The following CASTOR2 variants were observed in gnomAD, a reference collection of about 807,000 sequenced individuals.
The protein encoded by CASTOR2 is GATS protein like 2.
A neutral mutation model predicts 31.2 loss-of-function variants in CASTOR2; 8 were observed. The observed-to-expected ratio is 0.26, with a 90% confidence interval of 0.15 to 0.46. The LOEUF is 0.46. Among genes scored for constraint, CASTOR2 ranks in the 20% least tolerant of loss-of-function variants. The probability of loss-of-function intolerance (pLI) is 0.99; values close to 1 mark genes in which losing one functional copy is unlikely to be tolerated. For synonymous variants in CASTOR2, 162 were observed against 158.7 expected (o/e 1.02, Z -0.16); for missense variants, 216 against 382.1 (o/e 0.57, Z 3.62).
intron 2 of CASTOR2, among the ~76,000 whole-genome samples, chr7:75,014,150 T>C (rs1338550866): frequency 6.6e-6 from 1 of 152,078 alleles, no homozygotes; most frequent in Non-Finnish European, 1.5e-5. Context: ...GGCCCAGTGC[T>C]TATCTAGGCT....
Position 75,028,543 on chromosome 7 carries a change from C to T in CASTOR2, c.*3844C>T, listed in dbSNP as rs878857476. ...GCTCAGATAGTCTCAACCCCACCCT[C>T]TCCCCTTGCTGCACTCAGAGTACCA... On this transcript the variant is annotated 3_prime_UTR_variant, in exon 9 of 9. Transcript: ENST00000616305. 6.6e-6 allele frequency among the ~76,000 whole-genome samples: 1 copy of T among 151,978 alleles called. No individual in the cohort carries two copies. Among genetic ancestry groups the T allele is most frequent in the Admixed American group, 6.6e-5 (1 of 15,242 alleles).
intron 1 of CASTOR2, among the ~76,000 whole-genome samples, chr7:74,969,743 T>C (rs1259711244): frequency 6.7e-6 from 1 of 148,154 alleles, no homozygotes. Context: ...GTTAGAGCCT[T>C]AGAGCCTATC....
At position 75,027,465 on chromosome 7, in the gene CASTOR2, G is replaced by A. The variant is rs1805168669; in HGVS notation, c.*2766G>A. 1 of 157,872 alleles carries A rather than the reference G, an allele frequency of 6.3e-6. No homozygotes were observed. The highest frequency in any genetic ancestry group is 1.4e-5 in the Non-Finnish European group (1 of 70,970). 9.8% of individuals were successfully genotyped at this position (157,872 alleles called of 1,614,324 possible). On this transcript the variant is annotated 3_prime_UTR_variant, in exon 9 of 9. Coordinates refer to ENST00000616305, the MANE Select transcript of CASTOR2 (RefSeq NM_001145064.3). ...CTGCTGAATGGGCCACACGCTGCCT[G>A]TGTCCTGCCTCCGTGGGTGGCACTT...
chr7:75,003,348 G>A (rs1234428664), intron 1 of CASTOR2, among the ~76,000 whole-genome samples: 1 of 152,116 alleles, frequency 6.6e-6, no homozygotes, highest in Admixed American at 6.6e-5. Flanking sequence ...CTAGTTGGGA[G>A]GCTGAGCTAG....
chr7:75,005,485 C>G (rs1485615375), intron 1 of CASTOR2, among the ~76,000 whole-genome samples: 26 of 152,146 alleles, frequency 1.7e-4, no homozygotes, highest in Non-Finnish European at 3.5e-4. Context: ...TATCCTCTCT[C>G]CAGTTGAAGG....
In CASTOR2 at chr7:74,977,741, A is replaced by G. The variant is rs1191931892; in HGVS notation, c.113+12643A>G. Among the ~76,000 whole-genome samples the G allele has an allele frequency of 3.3e-4, 50 of 150,276 alleles. 1 individual carries two copies. Among genetic ancestry groups the G allele is most frequent in the Non-Finnish European group, 7.4e-5 (5 of 67,462 alleles). ...ACCCAAGCTGGAGTGCAGTGATGCA[A>G]TCTCAGCTCACTCCAGCCTCGATTT... On this transcript the variant is annotated intron_variant, in intron 1 of 8. Coordinates refer to ENST00000616305, the MANE Select transcript of CASTOR2 (RefSeq NM_001145064.3).
At chr7:75,000,238 T>C (rs1804461820) in intron 1 of CASTOR2, among the ~76,000 whole-genome samples, 1 of 152,040 alleles carries the variant, frequency 6.6e-6, no homozygotes, top group South Asian at 2.1e-4. Flanking sequence ...AAGGAATGAA[T>C]GAATGCATGA....
rs1554440884 is a variant in CASTOR2, at chr7:75,026,189, G to GGTTTTTTTTTTTTTTTTT, written c.*1490_*1491insGTTTTTTTTTTTTTTTTT. Among the ~76,000 whole-genome samples the GGTTTTTTTTTTTTTTTTT allele has an allele frequency of 5.9e-5, 7 of 117,740 alleles. No individual in the cohort carries two copies. Among genetic ancestry groups the GGTTTTTTTTTTTTTTTTT allele is most frequent in the Admixed American group, 2.8e-4 (3 of 10,758 alleles). The allele number at this position is 117,740 out of a possible 152,430, so 77.2% of individuals were successfully genotyped here. On this transcript the variant is annotated 3_prime_UTR_variant, in exon 9 of 9. Transcript: ENST00000616305. ...CCCTGTGGTTTTGGCTCTGGCGGGG[G>GGTTTTTTTTTTTTTTTTT]TTTTTTTTTTTTTTTTTGAGATGGG...
chr7:75,005,632 C>T (rs1210695459), intron 1 of CASTOR2, among the ~76,000 whole-genome samples: 1 of 152,206 alleles, frequency 6.6e-6, no homozygotes, highest in Non-Finnish European at 1.5e-5. Flanking sequence ...GTTCTCACTT[C>T]TCGCGGATGA....
intron 2 of CASTOR2, among the ~76,000 whole-genome samples, chr7:75,011,777 G>T (rs1231525980): frequency 7.0e-6 from 1 of 142,340 alleles, no homozygotes; most frequent in Non-Finnish European, 1.5e-5. Flanking sequence ...AGACCAGCCT[G>T]ACCAACATGG....
At chr7:74,986,557 G>T (rs34911802) in intron 1 of CASTOR2, among the ~76,000 whole-genome samples, 97,449 of 151,734 alleles carry the variant, frequency 0.64, 33,396 homozygotes, top group East Asian at 0.92. Flanking sequence ...GTTGCAGAAG[G>T]TTCCCATATC....
chr7:75,019,477 T>G (rs2131955371), intron 5 of CASTOR2, among the ~76,000 whole-genome samples: 1 of 152,118 alleles, frequency 6.6e-6, no homozygotes, highest in South Asian at 2.1e-4. Flanking sequence ...GGACCCGCCC[T>G]GGAACTAGGC....
intron 1 of CASTOR2, among the ~76,000 whole-genome samples, chr7:74,979,377 G>C (rs1403076981): frequency 2.7e-5 from 4 of 145,498 alleles, no homozygotes; most frequent in African/African-American, 1.0e-4. Context: ...AATCCCCAGT[G>C]TCTGATGTTC....
intron 1 of CASTOR2, among the ~76,000 whole-genome samples, chr7:74,976,263 T>TCACGCCTGTAATCCCAG (rs1191444246): frequency 5.6e-5 from 7 of 125,360 alleles, no homozygotes; most frequent in Non-Finnish European, 1.0e-4. Context: ...GCACAGTGGC[T>TCACGCCTGTAATCCCAG]CACGCCTGTA....
intron 6 of CASTOR2, among the ~76,000 whole-genome samples, chr7:75,020,559 C>T (rs1459866199): frequency 1.3e-5 from 2 of 150,098 alleles, no homozygotes; most frequent in East Asian, 2.0e-4. Flanking sequence ...GGCACTATCT[C>T]GGCTCACTGC....
intron 1 of CASTOR2, among the ~76,000 whole-genome samples, chr7:75,006,490 T>A (rs1584471284): frequency 6.6e-6 from 1 of 152,126 alleles, no homozygotes; most frequent in African/African-American, 2.4e-5. Context: ...GGGTGACCCA[T>A]GGATACACCA....
At chr7:75,018,368 C>T (rs1437557386) in intron 4 of CASTOR2, among the ~76,000 whole-genome samples, 3 of 152,028 alleles carry the variant, frequency 2.0e-5, no homozygotes, top group Non-Finnish European at 4.4e-5. Flanking sequence ...GGAGAAACCC[C>T]GTCTCTACTA....
intron 1 of CASTOR2, among the ~76,000 whole-genome samples, chr7:74,972,340 G>A (rs587624369): frequency 3.4e-5 from 5 of 148,732 alleles, no homozygotes; most frequent in East Asian, 2.0e-4. Flanking sequence ...GGCTGGTCTC[G>A]AACTCCTGAC....
chr7:75,014,843 G>A (rs1325332282), intron 2 of CASTOR2, among the ~76,000 whole-genome samples: 1 of 152,210 alleles, frequency 6.6e-6, no homozygotes, highest in Non-Finnish European at 1.5e-5. Context: ...CAGAGTCTTG[G>A]TTATGTCAGC....
Sources: gnomAD v4.1 joint callset for allele counts (sites outside exome capture counted in the v4.1 genomes callset) on GRCh38, gnomAD v4.1.1 for gene constraint, MANE v1.5 for transcripts, NCBI Gene and HGNC (gene_info 2026-07-23, HGNC 2026-07-21) for gene names.